Variants in ZBBX observed in about 807,000 individuals in gnomAD.
ZBBX encodes zinc finger B-box domain-containing protein 1.
ZBBX carries 101 observed loss-of-function variants against 108.5 expected under a neutral mutation model. The ratio of observed to expected loss-of-function variants is 0.93; its 90% confidence interval spans 0.79 to 1.10. The LOEUF is 1.10. Ranked by LOEUF, ZBBX falls within the 50% of genes least tolerant of loss-of-function variation. The pLI is 0.00. For synonymous variants in ZBBX, 356 were observed against 323.4 expected (o/e 1.10, Z -1.08); for missense variants, 1,009 against 941.4 (o/e 1.07, Z -0.94).
chr3:167,314,014 A>G lies in ZBBX; in HGVS notation c.1377T>C (p.Cys459=). 1 of 1,604,922 alleles carries G rather than the reference A, an allele frequency of 6.2e-7. No individual in the cohort carries two copies. Among genetic ancestry groups the G allele is most frequent in the South Asian group, 1.1e-5 (1 of 88,828 alleles). The change falls in exon 16 of 22, where the codon TGT becomes TGC. Residue 459 remains cysteine (C), a synonymous_variant. Transcript: ENST00000675490. ...DKGKRDFLNL[C]LRNSSTYYKD... The stretch of plus-strand genomic sequence containing the variant: ...TATAATAAGTAGAGCTGTTTCTCAG[A>G]CAAAGATTTAAGAAGTCTCTCTTTC...
chr3:167,208,990 C>T, the ZBBX span, among the ~76,000 whole-genome samples: 26 of 152,148 alleles, frequency 1.7e-4, no homozygotes, highest in Middle Eastern at 3.4e-3. Flanking sequence ...GGCTGAAGAG[C>T]GCTTGGGTCT....
intron 7 of ZBBX, among the ~76,000 whole-genome samples, chr3:167,360,416 T>C (rs1379160064): frequency 1.3e-5 from 2 of 151,698 alleles, no homozygotes; most frequent in African/African-American, 4.8e-5. Context: ...ATCAATAAAA[T>C]TTAAGGAACA....
intron 12 of ZBBX, among the ~76,000 whole-genome samples, chr3:167,320,238 C>T (rs1736200399): frequency 1.0e-5 from 1 of 98,342 alleles, no homozygotes; most frequent in Non-Finnish European, 1.9e-5. Context: ...TCAAAGCAAA[C>T]TAACCAAAAA....
intron 20 of ZBBX, among the ~76,000 whole-genome samples, chr3:167,272,792 C>A (rs1312235475): frequency 1.3e-5 from 2 of 152,184 alleles, no homozygotes; most frequent in African/African-American, 4.8e-5. Context: ...TGTTCCTTAA[C>A]AAATGTAGGA....
intron 1 of ZBBX, among the ~76,000 whole-genome samples, chr3:167,391,810 T>C (rs1748090984): frequency 6.6e-6 from 1 of 151,874 alleles, no homozygotes; most frequent in African/African-American, 2.4e-5. Flanking sequence ...ATATATGCTG[T>C]ATGTCTGTGT....
chr3:167,362,038 G>A (rs1467143529), intron 6 of ZBBX, among the ~76,000 whole-genome samples: 2 of 152,084 alleles, frequency 1.3e-5, no homozygotes, highest in African/African-American at 4.8e-5. Flanking sequence ...GCTATTTTTA[G>A]ACAAATAGAA....
chr3:167,359,134 A>G (rs1744101487), intron 8 of ZBBX, among the ~76,000 whole-genome samples: 1 of 152,156 alleles, frequency 6.6e-6, no homozygotes, highest in South Asian at 2.1e-4. Context: ...CATAATACAA[A>G]TGAACACATT....
intron 18 of ZBBX, among the ~76,000 whole-genome samples, chr3:167,290,644 C>T (rs2108566596): frequency 6.6e-6 from 1 of 152,180 alleles, no homozygotes; most frequent in Non-Finnish European, 1.5e-5. Flanking sequence ...CTGAATGCCT[C>T]CTCTCCTCCA....
chr3:167,319,349 G>T (rs1736002435), intron 12 of ZBBX, among the ~76,000 whole-genome samples: 1 of 152,044 alleles, frequency 6.6e-6, no homozygotes, highest in Non-Finnish European at 1.5e-5. Flanking sequence ...CAGATGAATA[G>T]TTGTTACGGA....
chr3:167,249,221 C>A (rs912971848), intron 20 of ZBBX, among the ~76,000 whole-genome samples: 2 of 151,992 alleles, frequency 1.3e-5, no homozygotes, highest in African/African-American at 2.4e-5. Context: ...TCTATACCAT[C>A]TGGCATTTGG....
chr3:167,279,586 T>C lies in ZBBX; in HGVS notation c.2254+2652A>G, dbSNP rs569165953. ...AGGAGAACTACAAACCACTGCTCAA[T>C]GAAATAAAAGAGGATACAAACAAAT... On this transcript the variant is annotated intron_variant, in intron 20 of 21. Transcript: ENST00000675490. 2.0e-5 allele frequency among the ~76,000 whole-genome samples: 3 copies of C among 150,174 alleles called. No individual in the cohort carries two copies. The South Asian group carries it at 6.4e-4, about 32-fold the overall frequency.
the ZBBX span, among the ~76,000 whole-genome samples, chr3:167,223,740 T>G: frequency 1.3e-5 from 2 of 151,994 alleles, no homozygotes; most frequent in East Asian, 3.9e-4. Context: ...TTATGTTTTT[T>G]CTGGTCCAGG....
intron 9 of ZBBX, among the ~76,000 whole-genome samples, chr3:167,335,847 T>A (rs1431373897): frequency 2.0e-5 from 3 of 151,988 alleles, no homozygotes; most frequent in Admixed American, 2.0e-4. Context: ...ATCTGTGGAA[T>A]CTGCTCCAAA....
chr3:167,317,648 C>G, intron 12 of ZBBX, 51 bp from the exon 13 acceptor site: 1 of 1,207,864 alleles, frequency 8.3e-7, no homozygotes, highest in Non-Finnish European at 1.2e-6. Flanking sequence ...TTACCTGAAA[C>G]TTTCCCAGAC....
intron 18 of ZBBX, among the ~76,000 whole-genome samples, chr3:167,296,395 G>A (rs1731698468): frequency 6.6e-6 from 1 of 151,844 alleles, no homozygotes. Flanking sequence ...GAACAGACAA[G>A]AAAAAGAAAT....
the ZBBX span, among the ~76,000 whole-genome samples, chr3:167,196,181 T>C: frequency 1.3e-5 from 2 of 152,210 alleles, no homozygotes; most frequent in African/African-American, 2.4e-5. Context: ...TCAGTGTCTG[T>C]GGTATGATCA....
At chr3:167,225,176 T>C in the ZBBX span, among the ~76,000 whole-genome samples, 1 of 151,802 alleles carries the variant, frequency 6.6e-6, no homozygotes, top group Non-Finnish European at 1.5e-5. Context: ...TAGCCAAATA[T>C]CAGAAAGAAA....
At chr3:167,322,993 CG>C (rs1560123491) in intron 11 of ZBBX, among the ~76,000 whole-genome samples, 1 of 151,942 alleles carries the variant, frequency 6.6e-6, no homozygotes, top group African/African-American at 2.4e-5. Flanking sequence ...GAAACAGCTA[CG>C]GGCCAGCAAT....
chr3:167,323,249 GGAA>G lies in ZBBX; in HGVS notation c.863-1015_863-1013del, dbSNP rs770708715. 4.7e-3 allele frequency among the ~76,000 whole-genome samples: 635 copies of G among 134,200 alleles called. 9 individuals are homozygous for G. Among genetic ancestry groups the G allele is most frequent in the African/African-American group, 0.018 (619 of 34,544 alleles). The allele number at this position is 134,200 out of a possible 152,430, so 88.0% of individuals were successfully genotyped here. A position where few individuals can be genotyped will look rare whatever the true frequency, so the allele number is the denominator to read the frequency against. ...AGGAGAGCTAAAAGAGGGGGGGGGG[GGAA>G]AGAACTCTTTTGTTTTTGCTGTCTA... On this transcript the variant is annotated intron_variant, in intron 11 of 21. Transcript: ENST00000675490.
Sources: allele counts gnomAD v4.1 joint callset (sites outside exome capture counted in the v4.1 genomes callset), GRCh38; gene constraint gnomAD v4.1.1; transcripts MANE v1.5; gene names NCBI Gene and HGNC (gene_info 2026-07-23, HGNC 2026-07-21).